The following ZNF385D variants were observed in gnomAD, a reference collection of about 807,000 sequenced individuals.
The protein encoded by ZNF385D is zinc finger protein 659.
A neutral mutation model predicts 35.8 loss-of-function variants in ZNF385D; 15 were observed. That is an observed-to-expected ratio of 0.42 (90% confidence interval 0.28 to 0.64). The LOEUF (loss-of-function observed/expected upper bound fraction) is 0.64, where lower values mean the gene tolerates loss of function less well. ZNF385D is among the 30% of genes least tolerant of loss of function. The pLI is 0.23. For missense variants in ZNF385D, 474 were observed against 494.6 expected (o/e 0.96, Z 0.39); for synonymous variants, 212 against 186.8 (o/e 1.13, Z -1.10).
At position 21,646,890 on chromosome 3, in the gene ZNF385D, A is replaced by G. The variant is rs999389766; in HGVS notation, c.165+17996T>C. The stretch of plus-strand genomic sequence containing the variant: ...CCTCTCTGTCTGATGCTAAGGCTCA[A>G]TGAAATCAAGGCCAGACAGAATTGA... On this transcript the variant is annotated intron_variant, in intron 2 of 7. Coordinates refer to ENST00000281523, the MANE Select transcript of ZNF385D (RefSeq NM_024697.3). The surrounding 1 kb of genome is among the most constrained non-coding windows in gnomAD (Gnocchi z 4.3). Among the ~76,000 whole-genome samples the G allele has an allele frequency of 6.6e-6, 1 of 152,198 alleles. No individual in the cohort carries two copies. The highest frequency in any genetic ancestry group is 1.5e-5 in the Non-Finnish European group (1 of 68,038).
chr3:21,457,082 C>T (rs1004692444), intron 4 of ZNF385D, among the ~76,000 whole-genome samples: 1 of 152,020 alleles, frequency 6.6e-6, no homozygotes, highest in African/African-American at 2.4e-5. Context: ...CTCTATTGAT[C>T]CTTAGCGTCT....
intron 3 of ZNF385D, among the ~76,000 whole-genome samples, chr3:21,519,621 C>A (rs1707788429): frequency 6.6e-6 from 1 of 152,212 alleles, no homozygotes; most frequent in African/African-American, 2.4e-5. Context: ...CAAGTCTAAT[C>A]TAGCTAAAAG....
At chr3:22,232,115 G>A (rs1698928425) in intron 2 of ZNF385D, among the ~76,000 whole-genome samples, 1 of 152,104 alleles carries the variant, frequency 6.6e-6, no homozygotes, top group African/African-American at 2.4e-5. Context: ...TTATAGCAAT[G>A]CAAGAATGGA....
At position 22,189,018 on chromosome 3, in the gene ZNF385D, G is replaced by A. The variant is rs76285885; in HGVS notation, c.107-19983C>T. ...TCTTAGAAAGCCCAACAGCCTCCTAGGCTTAGCAGAAAAACCAGCATTTTT... is the reference window on the plus strand; with the variant it reads ...TCTTAGAAAGCCCAACAGCCTCCTAAGCTTAGCAGAAAAACCAGCATTTTT... On this transcript the variant is annotated intron_variant, in intron 2 of 5. Coordinates refer to the ZNF385D transcript ENST00000494108. Among the ~76,000 whole-genome samples, 4 of 150,482 alleles carry A rather than the reference G, an allele frequency of 2.7e-5. No individual in the cohort carries two copies. In the East Asian group the frequency reaches 8.1e-4, roughly 31 times the overall value.
intron 2 of ZNF385D, among the ~76,000 whole-genome samples, chr3:22,330,068 G>A (rs180875766): frequency 9.9e-5 from 15 of 152,138 alleles, no homozygotes; most frequent in Admixed American, 5.2e-4. Flanking sequence ...CAAATTGATC[G>A]ATTCTCCTTT....
intron 3 of ZNF385D, among the ~76,000 whole-genome samples, chr3:22,107,397 GAGTC>G (rs1255530150): frequency 1.3e-5 from 2 of 151,844 alleles, no homozygotes; most frequent in African/African-American, 2.4e-5. Flanking sequence ...TTTTTTCTGA[GAGTC>G]AGGACTGTAA....
intron 3 of ZNF385D, among the ~76,000 whole-genome samples, chr3:21,950,978 A>G (rs1050239374): frequency 2.6e-5 from 4 of 151,620 alleles, no homozygotes; most frequent in Non-Finnish European, 4.4e-5. Context: ...GTCAGGTAGC[A>G]TGATGCCTCC....
chr3:21,639,849 T>G (rs1009381649), intron 2 of ZNF385D, among the ~76,000 whole-genome samples: 1 of 152,036 alleles, frequency 6.6e-6, no homozygotes, highest in Non-Finnish European at 1.5e-5. Flanking sequence ...CATGTGAGTC[T>G]GCTGAAGAGA....
intron 3 of ZNF385D, among the ~76,000 whole-genome samples, chr3:21,558,453 T>C (rs4858330): frequency 0.89 from 136,191 of 152,192 alleles, 61,124 homozygotes; most frequent in African/African-American, 0.96. Flanking sequence ...GTTTCCATGT[T>C]GTTGTGCAGT....
rs186098295 is a variant in ZNF385D, at chr3:21,974,058, T to C, written c.325+194759A>G. Among the ~76,000 whole-genome samples, 6 of 151,930 alleles carry C rather than the reference T, an allele frequency of 3.9e-5. No individual in the cohort carries two copies. The East Asian group carries it at 7.7e-4, about 20-fold the overall frequency. ...ATACCAATAACATTCTTCACAGAAATAGAAAACATAATCCTAAAATGTATA... is the reference window on the plus strand; with the variant it reads ...ATACCAATAACATTCTTCACAGAAACAGAAAACATAATCCTAAAATGTATA... On this transcript the variant is annotated intron_variant, in intron 3 of 5. Coordinates refer to the ZNF385D transcript ENST00000494108.
intron 2 of ZNF385D, among the ~76,000 whole-genome samples, chr3:22,262,158 G>C (rs1041754976): frequency 1.3e-5 from 2 of 151,744 alleles, no homozygotes; most frequent in African/African-American, 2.4e-5. Flanking sequence ...TTTGCCTAGA[G>C]ATTTACTAAA....
chr3:21,481,521 C>T (rs756842796), intron 4 of ZNF385D, among the ~76,000 whole-genome samples: 12 of 152,112 alleles, frequency 7.9e-5, no homozygotes, highest in Admixed American at 2.0e-4. Context: ...ACCAGTCTAC[C>T]TTCAGATAGC....
At chr3:21,705,607 C>A (rs1053368996) in intron 1 of ZNF385D, among the ~76,000 whole-genome samples, 1 of 152,140 alleles carries the variant, frequency 6.6e-6, no homozygotes, top group Non-Finnish European at 1.5e-5. Context: ...CCTCAAAGGT[C>A]ATTTCTTAAT....
intron 3 of ZNF385D, among the ~76,000 whole-genome samples, chr3:22,085,812 A>C (rs1229718314): frequency 2.0e-5 from 3 of 152,220 alleles, no homozygotes; most frequent in African/African-American, 7.2e-5. Flanking sequence ...TCAATAAAAT[A>C]CTGGCAAACC....
chr3:22,330,490 A>G (rs190489591), intron 2 of ZNF385D, among the ~76,000 whole-genome samples: 98 of 152,072 alleles, frequency 6.4e-4, no homozygotes, highest in Admixed American at 1.5e-3. Flanking sequence ...TTCTTCTTTT[A>G]TAATGTTTTG....
chr3:21,517,263 C>A (rs1183250701), intron 3 of ZNF385D, among the ~76,000 whole-genome samples: 1 of 151,942 alleles, frequency 6.6e-6, no homozygotes, highest in Non-Finnish European at 1.5e-5. Flanking sequence ...TCCAGACACC[C>A]TGAGACTTGG....
chr3:22,063,278 A>T (rs1699778205), intron 3 of ZNF385D, among the ~76,000 whole-genome samples: 1 of 152,166 alleles, frequency 6.6e-6, no homozygotes, highest in Non-Finnish European at 1.5e-5. Context: ...TTCCTAGAAC[A>T]TTGTCTGATT....
intron 3 of ZNF385D, among the ~76,000 whole-genome samples, chr3:21,912,355 G>C (rs1700002495): frequency 6.7e-6 from 1 of 149,564 alleles, no homozygotes; most frequent in Admixed American, 6.6e-5. Flanking sequence ...GTGGACTTCT[G>C]GGGAGATGAC....
chr3:22,120,972 G>A (rs912596524), intron 3 of ZNF385D, among the ~76,000 whole-genome samples: 3 of 152,070 alleles, frequency 2.0e-5, no homozygotes, highest in African/African-American at 7.2e-5. Flanking sequence ...CTTCTGACTA[G>A]ACCATATTCA....
Sources: allele counts gnomAD v4.1 joint callset (sites outside exome capture counted in the v4.1 genomes callset), GRCh38; gene constraint gnomAD v4.1.1; non-coding constraint Gnocchi (gnomAD v3.1); transcripts MANE v1.5; gene names NCBI Gene and HGNC (gene_info 2026-07-23, HGNC 2026-07-21).